Variants in RAPGEF6 observed in about 807,000 individuals in gnomAD.
RAPGEF6 encodes Rap guanine nucleotide exchange factor 6.
In RAPGEF6, 56 loss-of-function variants were observed where a neutral mutation model predicts 171.4. That is an observed-to-expected ratio of 0.33 (90% CI 0.26 to 0.41). The LOEUF is 0.41. Ranked by LOEUF, RAPGEF6 falls within the 10% of genes least tolerant of loss-of-function variation. The pLI, the probability that RAPGEF6 is intolerant of heterozygous loss-of-function variation, is 1.00. For synonymous variants in RAPGEF6, 692 were observed against 650.1 expected, an observed-to-expected ratio of 1.06 and a Z score of -0.98; for missense variants, 1,674 against 1,921.4, an observed-to-expected ratio of 0.87 and a Z score of 2.41.
At chr5:131,592,662 C>T (rs1370074601) in intron 3 of RAPGEF6, among the ~76,000 whole-genome samples, 196 bp from the exon 4 acceptor site, 5 of 152,104 alleles carry the variant, frequency 3.3e-5, no homozygotes, top group African/African-American at 4.8e-5. Context: ...AGTATAATCA[C>T]TATCTTAAGA....
chr5:131,602,214 T>C (rs1258197920), intron 3 of RAPGEF6, among the ~76,000 whole-genome samples: 2 of 152,096 alleles, frequency 1.3e-5, no homozygotes, highest in Non-Finnish European at 2.9e-5. Flanking sequence ...AACACAAACC[T>C]AGAAGATGGT....
intron 1 of RAPGEF6, among the ~76,000 whole-genome samples, chr5:131,622,101 AC>A: frequency 6.6e-6 from 1 of 152,198 alleles, no homozygotes; most frequent in East Asian, 1.9e-4. Context: ...TTATGTATTC[AC>A]CTGTGCCTCA....
At chr5:131,446,815 G>T in intron 21 of RAPGEF6, 112 bp from the exon 22 acceptor site, 1 of 980,768 alleles carries the variant, frequency 1.0e-6, no homozygotes, top group Non-Finnish European at 1.5e-6. Flanking sequence ...TGATGTAAAT[G>T]AGTTAAAAGA....
At chr5:131,445,744 T>G (rs1039846430) in intron 22 of RAPGEF6, among the ~76,000 whole-genome samples, 1 of 152,094 alleles carries the variant, frequency 6.6e-6, no homozygotes. Flanking sequence ...ATTTTAATTT[T>G]TTTTTGTAGA....
chr5:131,463,856 A>G lies in RAPGEF6; in HGVS notation c.2480+185T>C, dbSNP rs1014954405. ...CTTCCTCTATAAAAAAACAGGAACT[A>G]GATTATATCAGTGGTTCTAAGAGTT... is the stretch of plus-strand genomic sequence containing the variant. On this transcript the variant is annotated intron_variant, in intron 18 of 27. Coordinates refer to ENST00000509018, the MANE Select transcript of RAPGEF6 (RefSeq NM_016340.6). The G allele has an allele frequency of 9.3e-6, 12 of 1,283,848 alleles. No individual in the cohort carries two copies. The African/African-American group carries it at 1.8e-4, about 19-fold the overall frequency. 79.5% of individuals were successfully genotyped at this position (1,283,848 alleles called of 1,614,324 possible). A position where few individuals can be genotyped will look rare whatever the true frequency, so the allele number is the denominator to read the frequency against.
intron 1 of RAPGEF6, among the ~76,000 whole-genome samples, chr5:131,626,954 CA>C (rs1189260389): frequency 6.6e-6 from 1 of 152,122 alleles, no homozygotes; most frequent in Non-Finnish European, 1.5e-5. Flanking sequence ...AGAACATAAT[CA>C]GATCTGAGAG....
At chr5:131,480,624 A>G (rs569064498) in intron 15 of RAPGEF6, among the ~76,000 whole-genome samples, 3 of 152,132 alleles carry the variant, frequency 2.0e-5, no homozygotes, top group Middle Eastern at 3.4e-3. Context: ...GATTACAGGC[A>G]TGTATCACCA....
At chr5:131,627,771 G>C in intron 1 of RAPGEF6, among the ~76,000 whole-genome samples, 1 of 152,050 alleles carries the variant, frequency 6.6e-6, no homozygotes, top group Non-Finnish European at 1.5e-5. Context: ...CCTGCATCAA[G>C]CAAGTCCAAC....
chr5:131,460,289 ACT>A (rs1203816767), intron 19 of RAPGEF6, among the ~76,000 whole-genome samples: 1 of 151,840 alleles, frequency 6.6e-6, no homozygotes, highest in African/African-American at 2.4e-5. Flanking sequence ...TAACTGTGCT[ACT>A]CTGTTTCTTG....
intron 6 of RAPGEF6, among the ~76,000 whole-genome samples, chr5:131,522,524 TTA>T (rs1181362866): frequency 1.7e-4 from 26 of 152,336 alleles, no homozygotes; most frequent in African/African-American, 6.3e-4. Context: ...CTGAATTATG[TTA>T]TCTCAAGAGG....
At position 131,580,831 on chromosome 5, in the gene RAPGEF6, C is replaced by T. The variant is rs529682491; in HGVS notation, c.281+11552G>A. ...TCTTCTTTTTATGTGCCTCTTCCACCCACATGTGCCTACCCGCCAACTGGA... is the reference window on the plus strand; with the variant it reads ...TCTTCTTTTTATGTGCCTCTTCCACTCACATGTGCCTACCCGCCAACTGGA... On this transcript the variant is annotated intron_variant, in intron 4 of 27. Transcript: ENST00000509018. 5.3e-5 allele frequency among the ~76,000 whole-genome samples: 8 copies of T among 152,284 alleles called. No homozygotes were observed. In the East Asian group the frequency reaches 1.2e-3, roughly 22 times the overall value.
Position 131,427,074 on chromosome 5 carries a change from CTATT to C in RAPGEF6, c.*188_*191del, listed in dbSNP as rs1204494944. On this transcript the variant is annotated 3_prime_UTR_variant, in exon 28 of 28. Coordinates refer to ENST00000509018, the MANE Select transcript of RAPGEF6 (RefSeq NM_016340.6). Reference sequence around the variant, plus strand: ...GGCATAGCATCCATTGCTCAGGAAACTATTTATCTGCAGAAATTAAATGAAAGGA... The same window carrying C: ...GGCATAGCATCCATTGCTCAGGAAACTATCTGCAGAAATTAAATGAAAGGA... 6 of 644,642 alleles carry C rather than the reference CTATT, an allele frequency of 9.3e-6. No homozygotes were observed. Among genetic ancestry groups the C allele is most frequent in the Non-Finnish European group, 1.6e-5 (6 of 365,588 alleles). 39.9% of individuals were successfully genotyped at this position (644,642 alleles called of 1,614,324 possible).
chr5:131,623,442 A>T (rs1177087363), intron 1 of RAPGEF6, among the ~76,000 whole-genome samples: 1 of 150,754 alleles, frequency 6.6e-6, no homozygotes, highest in Non-Finnish European at 1.5e-5. Flanking sequence ...AGAAATCACT[A>T]CTAGAATAGT....
rs998484709 is a variant in RAPGEF6, at chr5:131,471,293, G to A, written c.2239+1294C>T. On this transcript the variant is annotated intron_variant, in intron 17 of 27. Coordinates refer to ENST00000509018, the MANE Select transcript of RAPGEF6 (RefSeq NM_016340.6). ...GAACAGGTTACTGGGTTTAATAATC[G>A]CTCTAGTGGTTAAGTGGCAACTGAA... is the stretch of plus-strand genomic sequence containing the variant. Among the ~76,000 whole-genome samples the A allele has an allele frequency of 7.2e-5, 11 of 152,138 alleles. 1 individual carries two copies. The highest frequency in any genetic ancestry group is 5.9e-4 in the Admixed American group (9 of 15,280).
At chr5:131,450,389 GA>G (rs771995704) in intron 21 of RAPGEF6, among the ~76,000 whole-genome samples, 6 of 152,014 alleles carry the variant, frequency 3.9e-5, no homozygotes, top group Non-Finnish European at 8.8e-5. Context: ...GTTTTTAAGG[GA>G]AAAGACCTTA....
At chr5:131,536,538 A>C (rs1272083792) in intron 6 of RAPGEF6, among the ~76,000 whole-genome samples, 1 of 152,144 alleles carries the variant, frequency 6.6e-6, no homozygotes, top group Non-Finnish European at 1.5e-5. Context: ...ATTTTTGTTG[A>C]AAATCTGTCA....
intron 1 of RAPGEF6, among the ~76,000 whole-genome samples, chr5:131,627,414 T>C (rs1309548591): frequency 6.6e-6 from 1 of 152,250 alleles, no homozygotes; most frequent in Non-Finnish European, 1.5e-5. Context: ...CTTTTTAACA[T>C]ATGATGACTT....
At chr5:131,526,806 T>C (rs765490798) in intron 6 of RAPGEF6, among the ~76,000 whole-genome samples, 21 of 152,240 alleles carry the variant, frequency 1.4e-4, no homozygotes, top group Non-Finnish European at 2.2e-4. Context: ...TCTGAACTTC[T>C]GTGCTCTGCT....
At chr5:131,471,047 T>C (rs1385848260) in intron 17 of RAPGEF6, among the ~76,000 whole-genome samples, 1 of 152,252 alleles carries the variant, frequency 6.6e-6, no homozygotes, top group African/African-American at 2.4e-5. Flanking sequence ...TGTGATATCT[T>C]AGTGCTTCCT....
Sources: allele counts gnomAD v4.1 joint callset (sites outside exome capture counted in the v4.1 genomes callset), GRCh38; gene constraint gnomAD v4.1.1; transcripts MANE v1.5; gene names NCBI Gene and HGNC (gene_info 2026-07-23, HGNC 2026-07-21).